The following SLC38A9 variants were observed in gnomAD, a reference collection of about 807,000 sequenced individuals.
The protein encoded by SLC38A9 is solute carrier family 38 member 9.
SLC38A9 carries 48 observed loss-of-function variants against 62.3 expected under a neutral mutation model. The ratio of observed to expected loss-of-function variants is 0.77; its 90% CI spans 0.61 to 0.98. The LOEUF (loss-of-function observed/expected upper bound fraction) is 0.98. Ranked by LOEUF, SLC38A9 falls within the 50% of genes least tolerant of loss-of-function variation. SLC38A9 has a pLI of 0.00. For missense variants in SLC38A9, 541 were observed against 679.8 expected (o/e 0.80, Z 2.27); for synonymous variants, 204 against 227.7 (o/e 0.90, Z 0.94).
At chr5:55,663,328 T>G (rs927517712) in intron 8 of SLC38A9, among the ~76,000 whole-genome samples, 1 of 134,416 alleles carries the variant, frequency 7.4e-6, no homozygotes, top group African/African-American at 2.8e-5. Context: ...AAAAAGGAGA[T>G]CTAATAAAAA....
chr5:55,675,292 G>A (rs1751935401), intron 3 of SLC38A9: 1 of 152,264 alleles, frequency 6.6e-6, no homozygotes, highest in South Asian at 2.1e-4. Flanking sequence ...GACTCTGAAA[G>A]TTTTTCTTTT....
chr5:55,664,774 A>G lies in SLC38A9; in HGVS notation c.616T>C (p.Leu206=), dbSNP rs747102719. The G allele has an allele frequency of 6.3e-7, 1 of 1,598,908 alleles. No homozygotes were observed. The highest frequency in any genetic ancestry group is 8.5e-7 in the Non-Finnish European group (1 of 1,174,136). ...FGQWSSLLFS[L]VSLIGAMIVY... is the part of the protein sequence containing the mutation. ...ATCATTGCTCCAATGAGAGACACCAAGGAGAAAAGGAGACTCGACCACTGC... is the reference window on the plus strand; with the variant it reads ...ATCATTGCTCCAATGAGAGACACCAGGGAGAAAAGGAGACTCGACCACTGC... The change falls in exon 8 of 16, where the codon TTG becomes CTG. Residue 206 remains leucine, a synonymous_variant. Coordinates refer to ENST00000396865, the MANE Select transcript of SLC38A9 (RefSeq NM_173514.4).
chr5:55,694,741 C>T (rs1379365427), intron 3 of SLC38A9, among the ~76,000 whole-genome samples: 15 of 130,932 alleles, frequency 1.1e-4, no homozygotes, highest in Non-Finnish European at 3.3e-5. Flanking sequence ...CCACCCTTCT[C>T]CTCTCCTCTC....
intron 3 of SLC38A9, among the ~76,000 whole-genome samples, chr5:55,685,201 C>T (rs1189639052): frequency 1.3e-5 from 2 of 152,316 alleles, no homozygotes; most frequent in African/African-American, 2.4e-5. Flanking sequence ...GATGACTGTA[C>T]AGCCATCACC....
chr5:55,637,847 C>G (rs1198698425), intron 12 of SLC38A9, among the ~76,000 whole-genome samples: 3 of 152,138 alleles, frequency 2.0e-5, no homozygotes, highest in African/African-American at 7.2e-5. Flanking sequence ...TCGTTTGTGG[C>G]TGCAAAGTGA....
At chr5:55,691,523 CAA>C (rs1464687401) in intron 3 of SLC38A9, among the ~76,000 whole-genome samples, 4 of 152,184 alleles carry the variant, frequency 2.6e-5, no homozygotes, top group Admixed American at 1.3e-4. Context: ...AACTATTTCA[CAA>C]TCTGTTTGTA....
rs1014090505 is a variant in SLC38A9, at chr5:55,669,408, T to C, written c.433-87A>G. On this transcript the variant is annotated intron_variant, in intron 6 of 15. Transcript: ENST00000396865. ...ATTATTTTACCCTAAACAATCATGATAAAAACTTGACAACTCATGAAAAAC... is the reference window on the plus strand; with the variant it reads ...ATTATTTTACCCTAAACAATCATGACAAAAACTTGACAACTCATGAAAAAC... 4 of 1,355,730 alleles carry C rather than the reference T, an allele frequency of 3.0e-6. No individual in the cohort carries two copies. The South Asian group carries it at 4.0e-5, about 14-fold the overall frequency. The allele number at this position is 1,355,730 out of a possible 1,614,324, so 84.0% of individuals were successfully genotyped here.
intron 12 of SLC38A9, among the ~76,000 whole-genome samples, chr5:55,640,320 AAT>A (rs1432117938): frequency 6.6e-6 from 1 of 152,196 alleles, no homozygotes; most frequent in Non-Finnish European, 1.5e-5. Context: ...TTGTTTTAAA[AAT>A]AGTTTCCACA....
intron 12 of SLC38A9, among the ~76,000 whole-genome samples, chr5:55,638,543 G>A (rs1744843258): frequency 6.6e-6 from 1 of 152,168 alleles, no homozygotes; most frequent in Admixed American, 6.5e-5. Context: ...AAGTCAGAAT[G>A]AAAACTGGAT....
intron 3 of SLC38A9, among the ~76,000 whole-genome samples, chr5:55,677,212 C>T (rs1437754006): frequency 1.3e-5 from 2 of 152,016 alleles, no homozygotes; most frequent in African/African-American, 4.8e-5. Flanking sequence ...ATTAAATACT[C>T]AACATACTTC....
Position 55,633,880 on chromosome 5 carries a change from C to T in SLC38A9, c.1304G>A (p.Ser435Asn). The change falls in exon 14 of 16, where the codon AGC (serine) becomes AAC (asparagine). Residue 435 changes from serine (S) to asparagine (N), a missense_variant. Coordinates refer to ENST00000396865, the MANE Select transcript of SLC38A9 (RefSeq NM_173514.4). ...TGCAATGAAGGACAGGGTGTCACTG[C>T]TAGGGAAGTTGTCTAAAAAATTCTA... ...IEQNFLDNFP[S>N]SDTLSFIARI... 6.2e-7 allele frequency: 1 copy of T among 1,605,468 alleles called. No homozygotes were observed. The highest frequency in any genetic ancestry group is 8.5e-7 in the Non-Finnish European group (1 of 1,175,378).
chr5:55,684,159 T>C (rs966341200), intron 3 of SLC38A9, among the ~76,000 whole-genome samples: 14 of 152,354 alleles, frequency 9.2e-5, no homozygotes, highest in African/African-American at 3.4e-4. Context: ...TATTTTAATT[T>C]CCTTGAACAT....
chr5:55,688,506 A>T (rs972599884), intron 3 of SLC38A9, among the ~76,000 whole-genome samples: 1 of 151,122 alleles, frequency 6.6e-6, no homozygotes, highest in Non-Finnish European at 1.5e-5. Context: ...CAGTCTCCAG[A>T]GTAGCTGGGA....
chr5:55,697,337 T>G (rs1467597812), intron 3 of SLC38A9: 1 of 152,604 alleles, frequency 6.6e-6, no homozygotes, highest in Non-Finnish European at 1.5e-5. Flanking sequence ...GGAAGTCTAT[T>G]TATTTTTGCC....
chr5:55,700,984 T>A (rs991645428), intron 2 of SLC38A9, among the ~76,000 whole-genome samples: 1 of 152,198 alleles, frequency 6.6e-6, no homozygotes, highest in African/African-American at 2.4e-5. Context: ...TGCAGTCTTA[T>A]GGTTTTACTA....
intron 9 of SLC38A9, 55 bp from the exon 10 acceptor site, chr5:55,652,778 A>C: frequency 6.9e-7 from 1 of 1,445,136 alleles, no homozygotes; most frequent in Non-Finnish European, 9.4e-7. Context: ...AACAAAACAA[A>C]ACAAAAAACA....
chr5:55,654,609 T>C (rs1018404356), intron 9 of SLC38A9, among the ~76,000 whole-genome samples: 14 of 129,086 alleles, frequency 1.1e-4, no homozygotes, highest in African/African-American at 4.0e-4. Flanking sequence ...TTGTCTCAAA[T>C]AAAAAAAAAA....
chr5:55,708,832 T>G (rs897414603), intron 2 of SLC38A9, among the ~76,000 whole-genome samples: 1 of 152,222 alleles, frequency 6.6e-6, no homozygotes, highest in African/African-American at 2.4e-5. Context: ...GAAAGGCAAT[T>G]GAGTGTGCAT....
At chr5:55,686,052 G>A (rs1317907234) in intron 3 of SLC38A9, among the ~76,000 whole-genome samples, 1 of 152,136 alleles carries the variant, frequency 6.6e-6, no homozygotes, top group East Asian at 1.9e-4. Flanking sequence ...TTGATTCCAT[G>A]TCTTTGCTAT....
Sources: gnomAD v4.1 joint callset for allele counts (sites outside exome capture counted in the v4.1 genomes callset) on GRCh38, gnomAD v4.1.1 for gene constraint, MANE v1.5 for transcripts, NCBI Gene and HGNC (gene_info 2026-07-23, HGNC 2026-07-21) for gene names.